The following SLC44A5 variants were observed in gnomAD, a reference collection of about 807,000 sequenced individuals.
SLC44A5 encodes choline transporter-like protein 5.
In SLC44A5, 57 loss-of-function variants were observed where a neutral mutation model predicts 101.8. That is an observed-to-expected ratio of 0.56 (90% CI 0.45 to 0.70). The LOEUF (loss-of-function observed/expected upper bound fraction) is 0.70, where lower values mean the gene tolerates loss of function less well. SLC44A5 is among the 30% of genes least tolerant of loss of function. The pLI is 0.00. For missense variants in SLC44A5, 737 were observed against 853.1 expected (o/e 0.86, Z 1.70); for synonymous variants, 281 against 290.9 (o/e 0.97, Z 0.35).
intron 2 of SLC44A5, among the ~76,000 whole-genome samples, chr1:75,423,008 G>T (rs777534019): frequency 1.3e-5 from 2 of 152,012 alleles, no homozygotes; most frequent in Admixed American, 6.6e-5. Flanking sequence ...CATTTTCTCT[G>T]CTCTCAAAAT....
intron 6 of SLC44A5, among the ~76,000 whole-genome samples, chr1:75,261,223 T>G (rs1482619431): frequency 6.6e-6 from 1 of 151,982 alleles, no homozygotes; most frequent in Admixed American, 6.6e-5. Flanking sequence ...AAAAAATCAA[T>G]GAATCCAGGA....
intron 19 of SLC44A5, among the ~76,000 whole-genome samples, chr1:75,215,093 G>A (rs924786846): frequency 5.9e-5 from 9 of 152,048 alleles, no homozygotes; most frequent in African/African-American, 1.9e-4. Flanking sequence ...TGATGAATAG[G>A]TTTAACATAA....
the SLC44A5 span, among the ~76,000 whole-genome samples, chr1:75,630,337 GTCCTTA>G: frequency 6.6e-6 from 1 of 152,068 alleles, no homozygotes; most frequent in Non-Finnish European, 1.5e-5. Context: ...TTTCCATAGG[GTCCTTA>G]TCAAGTCTCA....
At chr1:75,597,894 A>T (rs1674741202) in intron 1 of SLC44A5, among the ~76,000 whole-genome samples, 1 of 152,196 alleles carries the variant, frequency 6.6e-6, no homozygotes, top group Admixed American at 6.5e-5. Flanking sequence ...AGATTTCATG[A>T]TGAAGTTGTT....
the SLC44A5 span, among the ~76,000 whole-genome samples, chr1:75,718,622 G>T: frequency 3.3e-5 from 5 of 152,308 alleles, no homozygotes; most frequent in East Asian, 9.6e-4. Context: ...CCTGAGGAGT[G>T]CAAAGAGGAT....
chr1:75,242,021 G>A lies in SLC44A5; in HGVS notation c.512C>T (p.Ala171Val), dbSNP rs764439209. 7.4e-6 allele frequency: 12 copies of A among 1,612,084 alleles called. No homozygotes were observed. The highest frequency in any genetic ancestry group is 4.4e-5 in the South Asian group (4 of 91,010). The change falls in exon 9 of 24, where the codon GCG becomes GTG. Residue 171 changes from alanine (A) to valine (V), a missense_variant. Ala to Val is a moderately conservative substitution (Grantham distance 64, BLOSUM62 0). Transcript: ENST00000370859. Reference sequence around the variant, plus strand: ...CTTACAAGGTTTGCTGGGAAAAATCGCTGTTGGACAATCATCATCCAGTAA... The same window carrying A: ...CTTACAAGGTTTGCTGGGAAAAATCACTGTTGGACAATCATCATCCAGTAA... ...QLLLDDDCPT[A>V]IFPSKPFLQR...
intron 1 of SLC44A5, among the ~76,000 whole-genome samples, chr1:75,558,739 C>T (rs138336280): frequency 6.2e-4 from 95 of 152,178 alleles, no homozygotes; most frequent in Middle Eastern, 6.8e-3. Context: ...ATAAAAACAA[C>T]ACTTTCCGAC....
intron 1 of SLC44A5, among the ~76,000 whole-genome samples, chr1:75,561,686 T>A (rs1672525092): frequency 6.6e-6 from 1 of 152,166 alleles, no homozygotes; most frequent in South Asian, 2.1e-4. Flanking sequence ...CTCTCCAACA[T>A]CCTGATAACC....
At chr1:75,506,472 A>G (rs1176041607) in intron 2 of SLC44A5, among the ~76,000 whole-genome samples, 2 of 152,108 alleles carry the variant, frequency 1.3e-5, no homozygotes, top group East Asian at 1.9e-4. Flanking sequence ...AATTTTTCCA[A>G]TTGACGAGCA....
chr1:75,338,807 C>T (rs1366096940), intron 4 of SLC44A5, among the ~76,000 whole-genome samples: 4 of 152,146 alleles, frequency 2.6e-5, no homozygotes, highest in African/African-American at 7.2e-5. Context: ...ATGGTTGGCA[C>T]GTGCAAATGA....
At chr1:75,236,152 C>T (rs868091337) in intron 11 of SLC44A5, among the ~76,000 whole-genome samples, 1 of 151,970 alleles carries the variant, frequency 6.6e-6, no homozygotes, top group Non-Finnish European at 1.5e-5. Flanking sequence ...GGGATGGGCA[C>T]ATTATTTGAT....
intron 3 of SLC44A5, among the ~76,000 whole-genome samples, chr1:75,344,091 C>T (rs1323135031): frequency 3.3e-5 from 5 of 152,082 alleles, no homozygotes; most frequent in Non-Finnish European, 7.4e-5. Context: ...ATGTGACTTT[C>T]TCCTCCTTAT....
At chr1:75,284,274 G>A (rs1029862338) in intron 5 of SLC44A5, among the ~76,000 whole-genome samples, 2 of 152,072 alleles carry the variant, frequency 1.3e-5, no homozygotes, top group Non-Finnish European at 2.9e-5. Flanking sequence ...TTATAAAAGG[G>A]ATTGAGTTCT....
At chr1:75,690,954 C>T in the SLC44A5 span, among the ~76,000 whole-genome samples, 1 of 151,610 alleles carries the variant, frequency 6.6e-6, no homozygotes, top group African/African-American at 2.4e-5. Context: ...ATGGTGAAAC[C>T]TTGTCTCTAA....
At chr1:75,690,997 A>G in the SLC44A5 span, among the ~76,000 whole-genome samples, 3 of 151,830 alleles carry the variant, frequency 2.0e-5, no homozygotes, top group Admixed American at 6.6e-5. Context: ...TAAAGGAAAA[A>G]AAAAAGAAAC....
intron 1 of SLC44A5, among the ~76,000 whole-genome samples, chr1:75,551,891 T>A (rs1219579348): frequency 6.6e-6 from 1 of 152,126 alleles, no homozygotes; most frequent in East Asian, 1.9e-4. Context: ...GGGAAAAGAA[T>A]CCAAGTCTGA....
At chr1:75,277,087 A>G (rs1313420857) in intron 5 of SLC44A5, among the ~76,000 whole-genome samples, 3 of 152,188 alleles carry the variant, frequency 2.0e-5, no homozygotes, top group Non-Finnish European at 2.9e-5. Flanking sequence ...AGTTATACCA[A>G]TGTGAATTTA....
chr1:75,208,405 G>A (rs898887431), intron 23 of SLC44A5, among the ~76,000 whole-genome samples: 12 of 152,090 alleles, frequency 7.9e-5, no homozygotes, highest in South Asian at 6.2e-4. Flanking sequence ...GTGATCTGCC[G>A]GCCTCGGCCT....
At chr1:75,240,761 C>T (rs1416617740) in intron 9 of SLC44A5, among the ~76,000 whole-genome samples, 1 of 151,872 alleles carries the variant, frequency 6.6e-6, no homozygotes, top group Non-Finnish European at 1.5e-5. Flanking sequence ...AATGCCTTTC[C>T]TCCTTTTTAA....
Sources: gnomAD v4.1 joint callset for allele counts (sites outside exome capture counted in the v4.1 genomes callset) on GRCh38, gnomAD v4.1.1 for gene constraint, MANE v1.5 for transcripts, NCBI Gene and HGNC (gene_info 2026-07-23, HGNC 2026-07-21) for gene names.